PRKN: variants seen among roughly 807,000 people sequenced by gnomAD.
PRKN encodes the protein E3 ubiquitin-protein ligase parkin.
In PRKN, 56 loss-of-function variants were observed where a neutral mutation model predicts 59.5. The ratio of observed to expected loss-of-function variants is 0.94; its 90% CI spans 0.76 to 1.18. PRKN has a LOEUF of 1.18. PRKN is among the 50% of genes most tolerant of loss of function. PRKN has a pLI of 0.00. For missense variants in PRKN, 657 were observed against 596.4 expected, an observed-to-expected ratio of 1.10 and a Z score of -1.06; for synonymous variants, 250 against 222.1, an observed-to-expected ratio of 1.13 and a Z score of -1.12.
At chr6:161,934,340 T>C (rs956339762) in intron 6 of PRKN, among the ~76,000 whole-genome samples, 27 of 152,226 alleles carry the variant, frequency 1.8e-4, no homozygotes, top group African/African-American at 6.5e-4. Context: ...TTAGGTAGTA[T>C]TTTTATAGCA....
At chr6:161,662,827 A>T (rs796192408) in intron 7 of PRKN, among the ~76,000 whole-genome samples, 1 of 152,130 alleles carries the variant, frequency 6.6e-6, no homozygotes, top group Non-Finnish European at 1.5e-5. Context: ...ACACATGAGG[A>T]TATCTGTGGT....
At chr6:161,415,213 C>G (rs1787781923) in intron 9 of PRKN, among the ~76,000 whole-genome samples, 1 of 152,130 alleles carries the variant, frequency 6.6e-6, no homozygotes, top group Admixed American at 6.5e-5. Flanking sequence ...AACAACTTAC[C>G]GTGTCCGCGA....
chr6:161,514,523 A>T (rs1778514804), intron 9 of PRKN, among the ~76,000 whole-genome samples: 1 of 152,148 alleles, frequency 6.6e-6, no homozygotes, highest in Non-Finnish European at 1.5e-5. Context: ...ATGAGCTTGA[A>T]CAGATCTGAA....
At chr6:162,718,018 C>G (rs2849511) in intron 1 of PRKN, among the ~76,000 whole-genome samples, 124,816 of 152,158 alleles carry the variant, frequency 0.82, 51,445 homozygotes, top group East Asian at 0.97. Context: ...TATAATTTGC[C>G]GGTATACTTC....
intron 6 of PRKN, among the ~76,000 whole-genome samples, chr6:161,849,972 C>T (rs1174703995): frequency 1.3e-5 from 2 of 152,010 alleles, no homozygotes; most frequent in African/African-American, 4.8e-5. Flanking sequence ...AAAGCCCAGC[C>T]CAGCACAGTC....
chr6:161,692,947 C>CAAA (rs59954623), intron 7 of PRKN, among the ~76,000 whole-genome samples: 2 of 120,906 alleles, frequency 1.7e-5, no homozygotes, highest in African/African-American at 3.3e-5. Flanking sequence ...GACTCTGTCT[C>CAAA]AAAAAAAAAA....
chr6:161,411,175 G>A (rs948908458), intron 9 of PRKN, among the ~76,000 whole-genome samples: 1 of 152,114 alleles, frequency 6.6e-6, no homozygotes, highest in African/African-American at 2.4e-5. Flanking sequence ...ACATGGCTTG[G>A]CTGTGTCCCC....
At chr6:162,217,443 C>T (rs2128078555) in intron 3 of PRKN, among the ~76,000 whole-genome samples, 1 of 152,264 alleles carries the variant, frequency 6.6e-6, no homozygotes, top group East Asian at 1.9e-4. Context: ...TGCAATGGTG[C>T]TACCTCAGCT....
At chr6:162,530,975 T>G (rs1778487741) in intron 1 of PRKN, among the ~76,000 whole-genome samples, 1 of 145,504 alleles carries the variant, frequency 6.9e-6, no homozygotes, top group Non-Finnish European at 1.5e-5. Context: ...GAGAATTGCT[T>G]GAACCCGGGA....
chr6:161,481,616 AC>A (rs1242968735), intron 9 of PRKN, among the ~76,000 whole-genome samples: 2 of 152,088 alleles, frequency 1.3e-5, no homozygotes, highest in Non-Finnish European at 2.9e-5. Flanking sequence ...AAACAAAAAA[AC>A]AAAACAAACA....
intron 7 of PRKN, among the ~76,000 whole-genome samples, chr6:161,704,535 C>T (rs76333972): frequency 0.01 from 1,583 of 152,272 alleles, 27 homozygotes; most frequent in African/African-American, 0.036. Context: ...GCCCTTTTTA[C>T]AGTCTTGTCC....
At chr6:162,596,077 A>G (rs1382577797) in intron 1 of PRKN, among the ~76,000 whole-genome samples, 1 of 152,170 alleles carries the variant, frequency 6.6e-6, no homozygotes, top group Non-Finnish European at 1.5e-5. Flanking sequence ...CAAGATACAA[A>G]GATATCAAGA....
intron 6 of PRKN, among the ~76,000 whole-genome samples, chr6:161,889,599 G>T (rs1018142601): frequency 6.6e-6 from 1 of 152,222 alleles, no homozygotes; most frequent in Non-Finnish European, 1.5e-5. Context: ...AGCCACAGCT[G>T]CAGGGATTTG....
rs1241073297 is a variant in PRKN at position 162,719,914 on chromosome 6, A to AC, written c.7+7747_7+7748insG. ...GATGTCAAAAAAAAAAAAAAAAAAAAAAAAACTAAAGGTTGACCTCAGAAA... is the reference window on the plus strand; with the variant it reads ...GATGTCAAAAAAAAAAAAAAAAAAAACAAAAACTAAAGGTTGACCTCAGAAA... On this transcript the variant is annotated intron_variant, in intron 1 of 11. Coordinates refer to ENST00000366898, the MANE Select transcript of PRKN (RefSeq NM_004562.3). Among the ~76,000 whole-genome samples, 87 of 109,252 alleles carry AC rather than the reference A, an allele frequency of 8.0e-4. No homozygotes were observed. In the East Asian group the frequency reaches 0.013, roughly 16 times the overall value. 71.7% of individuals were successfully genotyped at this position (109,252 alleles called of 152,430 possible). A position where few individuals can be genotyped will look rare whatever the true frequency, so the allele number is the denominator to read the frequency against.
chr6:162,422,199 C>T (rs1789005859), intron 2 of PRKN, among the ~76,000 whole-genome samples: 1 of 152,150 alleles, frequency 6.6e-6, no homozygotes, highest in Non-Finnish European at 1.5e-5. Context: ...TTCATATTTT[C>T]TGAGTTATTT....
At chr6:162,532,805 A>C (rs1778567218) in intron 1 of PRKN, among the ~76,000 whole-genome samples, 1 of 152,078 alleles carries the variant, frequency 6.6e-6, no homozygotes, top group Non-Finnish European at 1.5e-5. Flanking sequence ...AAATAGCTAC[A>C]CCTCTCCTAC....
At chr6:162,503,136 CTTTTTTTTT>C (rs10629175) in intron 1 of PRKN, among the ~76,000 whole-genome samples, 2 of 81,120 alleles carry the variant, frequency 2.5e-5, no homozygotes, top group Non-Finnish European at 2.3e-5. Context: ...GTCTTCATTT[CTTTTTTTTT>C]TTTTTTTTTT....
chr6:161,580,085 A>G (rs901439742), intron 7 of PRKN, among the ~76,000 whole-genome samples: 3 of 152,222 alleles, frequency 2.0e-5, no homozygotes, highest in Non-Finnish European at 4.4e-5. Flanking sequence ...CAAAAATCCA[A>G]TTTAAAAGAC....
intron 4 of PRKN, among the ~76,000 whole-genome samples, chr6:162,189,246 T>A (rs200507988): frequency 8.5e-6 from 1 of 117,642 alleles, no homozygotes; most frequent in Non-Finnish European, 2.0e-5. Context: ...CCTATTCTAA[T>A]TATCTTCTAT....
Sources: allele counts gnomAD v4.1 joint callset (sites outside exome capture counted in the v4.1 genomes callset), GRCh38; gene constraint gnomAD v4.1.1; transcripts MANE v1.5; gene names NCBI Gene and HGNC (gene_info 2026-07-23, HGNC 2026-07-21).